SYNE3: variants seen among roughly 807,000 people sequenced by gnomAD.
SYNE3 encodes spectrin repeat containing nuclear envelope family member 3.
A neutral mutation model predicts 111.2 loss-of-function variants in SYNE3; 100 were observed. That is an observed-to-expected ratio of 0.90 (90% CI 0.77 to 1.06). The LOEUF (loss-of-function observed/expected upper bound fraction) is 1.06. Among genes scored for constraint, SYNE3 ranks in the 50% least tolerant of loss-of-function variants. The pLI is 0.00. For synonymous variants in SYNE3, 547 were observed against 533.9 expected (o/e 1.02, Z -0.34); for missense variants, 1,160 against 1,240.3 (o/e 0.94, Z 0.97).
intron 1 of SYNE3, among the ~76,000 whole-genome samples, 105 bp downstream of exon 1, chr14:95,516,491 C>T (rs1166179625): frequency 6.6e-6 from 1 of 151,856 alleles, no homozygotes; most frequent in Non-Finnish European, 1.5e-5. Context: ...CCCCGATTCC[C>T]GGGGCTGTGT....
At chr14:95,513,772 T>TATATATATATATATA (rs56006428) in intron 1 of SYNE3, among the ~76,000 whole-genome samples, 72 of 131,946 alleles carry the variant, frequency 5.5e-4, no homozygotes, top group Non-Finnish European at 6.8e-4. Flanking sequence ...TATATATATA[T>TATATATATATATATA]TCAGAATCCA....
chr14:95,420,234 ATGAG>A (rs1187919940), intron 17 of SYNE3, among the ~76,000 whole-genome samples: 1 of 152,100 alleles, frequency 6.6e-6, no homozygotes, highest in Non-Finnish European at 1.5e-5. Context: ...AAGCGGCTGA[ATGAG>A]TGTGAGTTCA....
rs113707784 is a variant in SYNE3, at chr14:95,446,173, C to T, written c.1450-82G>A. 5.4e-3 allele frequency: 8,148 copies of T among 1,513,570 alleles called. 181 individuals are homozygous for T. The African/African-American group carries it at 0.06, about 11-fold the overall frequency. 93.8% of individuals were successfully genotyped at this position (1,513,570 alleles called of 1,614,324 possible). The stretch of plus-strand genomic sequence containing the variant: ...AGAGCCAGGGGCACAACTGTTCTGG[C>T]TGCAACTGCTTAGGAAGCTCACCTT... On this transcript the variant is annotated intron_variant, in intron 8 of 17. Coordinates refer to ENST00000682763, the MANE Select transcript of SYNE3 (RefSeq NM_152592.6).
chr14:95,494,851 G>A (rs1244072653), intron 1 of SYNE3, among the ~76,000 whole-genome samples: 2 of 152,068 alleles, frequency 1.3e-5, no homozygotes, highest in African/African-American at 4.8e-5. Context: ...CGTGGCTCAT[G>A]CCTGTAATCC....
chr14:95,471,494 G>C (rs964827956), intron 2 of SYNE3, among the ~76,000 whole-genome samples: 1 of 152,198 alleles, frequency 6.6e-6, no homozygotes, highest in South Asian at 2.1e-4. Flanking sequence ...TGGTCCAAAG[G>C]CAGGCAAGAC....
At position 95,414,319 on chromosome 14, in the gene SYNE3, G is replaced by C. The variant is rs1903508867; in HGVS notation, c.*3507C>G. On this transcript the variant is annotated 3_prime_UTR_variant, in exon 18 of 18. Coordinates refer to ENST00000682763, the MANE Select transcript of SYNE3 (RefSeq NM_152592.6). ...GGGGGTAAAACAGTATCAAACCCTG[G>C]GGGCAGGTGTCGATGTGGGAATTAC... is the stretch of plus-strand genomic sequence containing the variant. 6.6e-6 allele frequency: 1 copy of C among 152,202 alleles called. No homozygotes were observed. The highest frequency in any genetic ancestry group is 2.4e-5 in the African/African-American group (1 of 41,418). 9.4% of individuals were successfully genotyped at this position (152,202 alleles called of 1,614,324 possible). A position where few individuals can be genotyped will look rare whatever the true frequency, so the allele number is the denominator to read the frequency against.
chr14:95,449,592 A>G (rs1595203413), intron 8 of SYNE3: 3 of 985,476 alleles, frequency 3.0e-6, no homozygotes, highest in African/African-American at 1.7e-5. Context: ...ACCGCAGGTC[A>G]GGTCAGGTTT....
At position 95,418,017 on chromosome 14, in the gene SYNE3, A is replaced by G. The variant is rs1043013040; in HGVS notation, c.2737T>C (p.Trp913Arg). 1 of 1,609,562 alleles carries G rather than the reference A, an allele frequency of 6.2e-7. No homozygotes were observed. The highest frequency in any genetic ancestry group is 8.5e-7 in the Non-Finnish European group (1 of 1,179,690). Residue 913 changes from tryptophan to arginine, a missense_variant, in exon 18 of 18, where the codon TGG becomes CGG. Physicochemically the swap from Trp to Arg is moderately radical, Grantham distance 101 (BLOSUM62 -3). Transcript: ENST00000682763. The stretch of plus-strand genomic sequence containing the variant: ...CGGAAGAGGGAGCCCAGTCCTCGCC[A>G]CCGCCGAGTCTGCGGAACCAACACA... ...EPTGFQKTRRWRGLGSLFRRA... is the reference protein window; with the variant it reads ...EPTGFQKTRRRRGLGSLFRRA...
chr14:95,421,698 A>G (rs1391336783), intron 17 of SYNE3, among the ~76,000 whole-genome samples: 2 of 152,208 alleles, frequency 1.3e-5, no homozygotes, highest in African/African-American at 4.8e-5. Flanking sequence ...AAGCCCCACA[A>G]GCTTCCCCTC....
At chr14:95,462,669 A>G (rs1887906286) in intron 4 of SYNE3, among the ~76,000 whole-genome samples, 1 of 152,142 alleles carries the variant, frequency 6.6e-6, no homozygotes, top group African/African-American at 2.4e-5. Flanking sequence ...CAGCAGCTCA[A>G]ACCTGCCTTT....
chr14:95,465,341 G>GGTGGATGCGTGAGTGGGTGGTGGATGC (rs11282260), intron 4 of SYNE3, among the ~76,000 whole-genome samples: 1 of 151,342 alleles, frequency 6.6e-6, no homozygotes, highest in Non-Finnish European at 1.5e-5. Flanking sequence ...GGTAGATAAT[G>GGTGGATGCGTGAGTGGGTGGTGGATGC]GTGAGTGGGT....
At chr14:95,443,087 C>T in intron 11 of SYNE3, 68 bp downstream of exon 11, 1 of 1,589,564 alleles carries the variant, frequency 6.3e-7, no homozygotes. Flanking sequence ...GGAAGAAAGG[C>T]CCCAGGCGTG....
At chr14:95,491,561 T>G (rs1555358464) in intron 1 of SYNE3, among the ~76,000 whole-genome samples, 1 of 152,086 alleles carries the variant, frequency 6.6e-6, no homozygotes, top group Non-Finnish European at 1.5e-5. Context: ...TCACACCGTA[T>G]ACTAAAATTA....
At chr14:95,505,009 G>A (rs1269444302) in intron 1 of SYNE3, among the ~76,000 whole-genome samples, 1 of 152,204 alleles carries the variant, frequency 6.6e-6, no homozygotes, top group Admixed American at 6.5e-5. Context: ...CTTCTGGGGA[G>A]CTTAAGACCT....
Position 95,457,293 on chromosome 14 carries a change from A to C in SYNE3, c.673T>G (p.Tyr225Asp). 1 of 1,613,674 alleles carries C rather than the reference A, an allele frequency of 6.2e-7. No homozygotes were observed. Among genetic ancestry groups the C allele is most frequent in the Non-Finnish European group, 8.5e-7 (1 of 1,179,924 alleles). Reference protein sequence around the residue: ...LEQVAREHEEYQAGVDEFQLW... With the variant: ...LEQVAREHEEDQAGVDEFQLW... ...TGGAACTCGTCCACACCTGCCTGGTACTCCTCATGCTCCCGGGCCACCTGC... is the reference window on the plus strand; with the variant it reads ...TGGAACTCGTCCACACCTGCCTGGTCCTCCTCATGCTCCCGGGCCACCTGC... The change falls in exon 5 of 18, where the codon TAC (tyrosine) becomes GAC (aspartate). Residue 225 changes from tyrosine (Y) to aspartate (D), a missense_variant. Physicochemically the swap from Tyr to Asp is radical, Grantham distance 160 (BLOSUM62 -3). Coordinates refer to ENST00000682763, the MANE Select transcript of SYNE3 (RefSeq NM_152592.6).
rs1903546133 is a variant in SYNE3, at chr14:95,415,295, C to T, written c.*2531G>A. 1 of 142,418 alleles carries T rather than the reference C, an allele frequency of 7.0e-6. No homozygotes were observed. The highest frequency in any genetic ancestry group is 1.5e-5 in the Non-Finnish European group (1 of 65,102). 8.8% of individuals were successfully genotyped at this position (142,418 alleles called of 1,614,324 possible). A position where few individuals can be genotyped will look rare whatever the true frequency, so the allele number is the denominator to read the frequency against. ...GGCAAGGCCCCCCCACCCACCCACC[C>T]TGCCACTGCTCTGACTTCCAGGACT... On this transcript the variant is annotated 3_prime_UTR_variant, in exon 18 of 18. Coordinates refer to ENST00000682763, the MANE Select transcript of SYNE3 (RefSeq NM_152592.6).
At position 95,457,232 on chromosome 14, in the gene SYNE3, C is replaced by T; in HGVS notation, c.734G>A (p.Gly245Asp). ...WLKAVVEKVNGCLGRNCKLPI... is the reference protein window; with the variant it reads ...WLKAVVEKVNDCLGRNCKLPI... ...CAGCTTGCAGTTCCGCCCCAGGCAG[C>T]CATTCACCTTCTCCACCACCGCCTT... Residue 245 changes from glycine (G) to aspartate (D), a missense_variant, in exon 5 of 18, where the codon GGC (glycine) becomes GAC (aspartate). Transcript: ENST00000682763. The T allele has an allele frequency of 6.2e-7, 1 of 1,614,154 alleles. No individual in the cohort carries two copies. Among genetic ancestry groups the T allele is most frequent in the Non-Finnish European group, 8.5e-7 (1 of 1,180,022 alleles).
intron 8 of SYNE3, among the ~76,000 whole-genome samples, chr14:95,447,623 C>G (rs1460759344): frequency 6.6e-6 from 1 of 152,164 alleles, no homozygotes; most frequent in African/African-American, 2.4e-5. Flanking sequence ...ACTGGCATGA[C>G]CTGCACACCA....
At chr14:95,458,806 A>C (rs1203456197) in intron 4 of SYNE3, among the ~76,000 whole-genome samples, 1 of 152,182 alleles carries the variant, frequency 6.6e-6, no homozygotes, top group Non-Finnish European at 1.5e-5. Context: ...ACAAATCTGG[A>C]GTGTTTGCCA....
Sources: allele counts gnomAD v4.1 joint callset (sites outside exome capture counted in the v4.1 genomes callset), GRCh38; gene constraint gnomAD v4.1.1; transcripts MANE v1.5; gene names NCBI Gene and HGNC (gene_info 2026-07-23, HGNC 2026-07-21).